Variants in CENPP observed in about 807,000 individuals in gnomAD.
CENPP encodes centromere protein P.
CENPP carries 24 observed loss-of-function variants against 35.6 expected under a neutral mutation model. That is an observed-to-expected ratio of 0.67 (90% CI 0.49 to 0.95). The LOEUF is 0.95. CENPP is among the 40% of genes least tolerant of loss of function. The pLI, the probability that CENPP is intolerant of heterozygous loss-of-function variation, is 0.00. For missense variants in CENPP, 332 were observed against 345.3 expected (o/e 0.96, Z 0.31); for synonymous variants, 120 against 125.5 (o/e 0.96, Z 0.29).
chr9:92,502,565 A>G lies in CENPP; in HGVS notation c.565-108749A>G, dbSNP rs754105786. On this transcript the variant is annotated intron_variant, in intron 5 of 7. Coordinates refer to ENST00000375587, the MANE Select transcript of CENPP (RefSeq NM_001012267.3). ...ATCCTATTTTCTTCAATTTTGTTATAACGTAGTACAATGACATTGATCTTT... is the reference window on the plus strand; with the variant it reads ...ATCCTATTTTCTTCAATTTTGTTATGACGTAGTACAATGACATTGATCTTT... 5.6e-6 allele frequency: 9 copies of G among 1,612,456 alleles called. No homozygotes were observed. In the South Asian group the frequency reaches 9.9e-5, roughly 18 times the overall value.
intron 5 of CENPP, among the ~76,000 whole-genome samples, chr9:92,549,752 T>C (rs1424248586): frequency 6.6e-6 from 1 of 152,226 alleles, no homozygotes; most frequent in Non-Finnish European, 1.5e-5. Context: ...CAATAGCATC[T>C]GTGCTTCTTT....
chr9:92,327,617 T>C (rs1840601391), intron 1 of CENPP, among the ~76,000 whole-genome samples: 1 of 152,192 alleles, frequency 6.6e-6, no homozygotes, highest in South Asian at 2.1e-4. Flanking sequence ...GAAGCAAAGG[T>C]ACTTAAGTAC....
intron 5 of CENPP, among the ~76,000 whole-genome samples, chr9:92,524,830 A>C (rs559796906): frequency 6.6e-6 from 1 of 152,244 alleles, no homozygotes; most frequent in Non-Finnish European, 1.5e-5. Context: ...ATTTATTTCA[A>C]TTCTCACAGG....
intron 4 of CENPP, among the ~76,000 whole-genome samples, chr9:92,356,458 A>T (rs543339437): frequency 6.6e-6 from 1 of 152,286 alleles, no homozygotes; most frequent in South Asian, 2.1e-4. Context: ...TTCAAGGTGC[A>T]CTGATTTCAT....
At chr9:92,404,404 A>C in intron 5 of CENPP, 2 of 778,684 alleles carry the variant, frequency 2.6e-6, no homozygotes, top group Non-Finnish European at 3.5e-6. Context: ...AACTTAAACC[A>C]GAGATGGCCT....
intron 5 of CENPP, among the ~76,000 whole-genome samples, chr9:92,558,911 G>A (rs566683840): frequency 6.6e-6 from 1 of 152,096 alleles, no homozygotes; most frequent in South Asian, 2.1e-4. Context: ...CAGGGAAGTT[G>A]GGGAAAGCCG....
chr9:92,326,205 T>A, intron 1 of CENPP, 100 bp downstream of exon 1: 1 of 772,142 alleles, frequency 1.3e-6, no homozygotes, highest in Non-Finnish European at 2.1e-6. Flanking sequence ...CTCCCAGCCC[T>A]AGAAAGTGGG....
intron 4 of CENPP, among the ~76,000 whole-genome samples, chr9:92,369,821 TTC>T (rs1176558687): frequency 2.0e-5 from 3 of 152,372 alleles, no homozygotes; most frequent in African/African-American, 7.2e-5. Context: ...TGCCTTTTAT[TTC>T]TTTCCTTTGC....
chr9:92,370,977 T>A (rs757948023), intron 4 of CENPP, among the ~76,000 whole-genome samples: 11 of 152,204 alleles, frequency 7.2e-5, no homozygotes, highest in Admixed American at 2.0e-4. Context: ...ATTTAAATTG[T>A]TTGGGTCTTC....
chr9:92,361,670 T>A (rs1344691469), intron 4 of CENPP, among the ~76,000 whole-genome samples: 1 of 147,960 alleles, frequency 6.8e-6, no homozygotes, highest in Admixed American at 6.8e-5. Flanking sequence ...TTAGTAGAGA[T>A]GGGGTTTCAC....
intron 5 of CENPP, among the ~76,000 whole-genome samples, chr9:92,561,402 G>A (rs926014773): frequency 6.6e-6 from 1 of 152,128 alleles, no homozygotes; most frequent in Non-Finnish European, 1.5e-5. Context: ...TTAACATTTA[G>A]CTTTTTATAA....
At chr9:92,585,058 T>C (rs1184698861) in intron 5 of CENPP, among the ~76,000 whole-genome samples, 1 of 152,230 alleles carries the variant, frequency 6.6e-6, no homozygotes, top group Non-Finnish European at 1.5e-5. Flanking sequence ...ATACAGATTA[T>C]ATGGGAATAT....
In CENPP at chr9:92,449,117, G is replaced by A. The variant is rs577536948; in HGVS notation, c.564+69258G>A. 2.0e-5 allele frequency among the ~76,000 whole-genome samples: 3 copies of A among 152,224 alleles called. No homozygotes were observed. The South Asian group carries it at 6.2e-4, about 32-fold the overall frequency. Reference sequence around the variant, plus strand: ...TATTCAAATCCCAGATCTGCCACAAGTGATTTAATTTCCTTAGCTCCTACA... The same window carrying A: ...TATTCAAATCCCAGATCTGCCACAAATGATTTAATTTCCTTAGCTCCTACA... On this transcript the variant is annotated intron_variant, in intron 5 of 7. Coordinates refer to ENST00000375587, the MANE Select transcript of CENPP (RefSeq NM_001012267.3).
chr9:92,582,677 A>G (rs997094024), intron 5 of CENPP, among the ~76,000 whole-genome samples: 1 of 151,458 alleles, frequency 6.6e-6, no homozygotes, highest in South Asian at 2.1e-4. Flanking sequence ...CATTGTCACT[A>G]TGTAATGGAA....
chr9:92,335,030 A>G (rs987421427), intron 2 of CENPP, among the ~76,000 whole-genome samples: 1 of 151,886 alleles, frequency 6.6e-6, no homozygotes, highest in Non-Finnish European at 1.5e-5. Flanking sequence ...TACCAAAAAC[A>G]CAAAAATTAG....
intron 5 of CENPP, among the ~76,000 whole-genome samples, chr9:92,568,329 T>C (rs1850048935): frequency 1.3e-5 from 2 of 152,168 alleles, no homozygotes; most frequent in African/African-American, 4.8e-5. Flanking sequence ...AGTGAGAACA[T>C]GCGGTGTTTG....
chr9:92,526,677 A>T (rs911146692), intron 5 of CENPP, among the ~76,000 whole-genome samples: 12 of 152,002 alleles, frequency 7.9e-5, no homozygotes, highest in Non-Finnish European at 1.6e-4. Flanking sequence ...CAAAGAAAAA[A>T]AAGAGGAATG....
chr9:92,466,419 T>G, intron 5 of CENPP: 1 of 1,611,174 alleles, frequency 6.2e-7, no homozygotes, highest in Non-Finnish European at 8.5e-7. Context: ...TAACTTTATT[T>G]TCATGAATTC....
chr9:92,557,931 C>T (rs1349278417), intron 5 of CENPP, among the ~76,000 whole-genome samples: 9 of 152,212 alleles, frequency 5.9e-5, no homozygotes, highest in Admixed American at 5.9e-4. Context: ...GCGTGAGCCA[C>T]CGCGCCTGGC....
Sources: allele counts gnomAD v4.1 joint callset (sites outside exome capture counted in the v4.1 genomes callset), GRCh38; gene constraint gnomAD v4.1.1; transcripts MANE v1.5; gene names NCBI Gene and HGNC (gene_info 2026-07-23, HGNC 2026-07-21).